The following KCNH5 variants were observed in gnomAD, a reference collection of about 807,000 sequenced individuals.
KCNH5 encodes voltage-gated delayed rectifier potassium channel KCNH5.
KCNH5 carries 46 observed loss-of-function variants against 96.1 expected under a neutral mutation model. The observed-to-expected ratio is 0.48, with a 90% CI of 0.38 to 0.61. The LOEUF (loss-of-function observed/expected upper bound fraction) is 0.61. Among genes scored for constraint, KCNH5 ranks in the 20% least tolerant of loss-of-function variants. KCNH5 has a pLI of 0.00. For missense variants in KCNH5, 907 were observed against 1,225.8 expected, an observed-to-expected ratio of 0.74 and a Z score of 3.88; for synonymous variants, 439 against 449.8, an observed-to-expected ratio of 0.98 and a Z score of 0.30.
At chr14:62,918,668 A>C (rs1889322171) in intron 7 of KCNH5, among the ~76,000 whole-genome samples, 1 of 152,138 alleles carries the variant, frequency 6.6e-6, no homozygotes, top group Non-Finnish European at 1.5e-5. Context: ...TAAAAACCAT[A>C]CAATAAATTC....
chr14:62,845,935 A>C (rs182169499), intron 8 of KCNH5, among the ~76,000 whole-genome samples: 1 of 152,254 alleles, frequency 6.6e-6, no homozygotes, highest in Admixed American at 6.5e-5. Context: ...TGGAATACAG[A>C]CAGAAAAGGG....
At chr14:62,907,240 G>C (rs919308302) in intron 7 of KCNH5, among the ~76,000 whole-genome samples, 1 of 152,184 alleles carries the variant, frequency 6.6e-6, no homozygotes, top group Non-Finnish European at 1.5e-5. Context: ...CTATGACAAA[G>C]ATCCTGTTTC....
At chr14:62,717,953 A>G (rs1884720338) in intron 10 of KCNH5, among the ~76,000 whole-genome samples, 2 of 152,212 alleles carry the variant, frequency 1.3e-5, no homozygotes, top group Admixed American at 1.3e-4. Flanking sequence ...AAATGAATGC[A>G]GTCATGTCCT....
At chr14:62,734,902 T>A (rs577415318) in intron 10 of KCNH5, among the ~76,000 whole-genome samples, 30 of 152,244 alleles carry the variant, frequency 2.0e-4, no homozygotes, top group African/African-American at 6.7e-4. Context: ...CATTTAGAAA[T>A]ATATACGTTG....
At chr14:63,036,439 C>T (rs1891722631) in intron 1 of KCNH5, among the ~76,000 whole-genome samples, 1 of 151,752 alleles carries the variant, frequency 6.6e-6, no homozygotes, top group Admixed American at 6.6e-5. Context: ...TCAAAGATGA[C>T]CCTAACACTT....
rs1313272834 is a variant in KCNH5 at position 62,700,474 on chromosome 14, C to G, written c.*7034G>C. 6.6e-6 allele frequency: 1 copy of G among 152,138 alleles called. No individual in the cohort carries two copies. The highest frequency in any genetic ancestry group is 1.5e-5 in the Non-Finnish European group (1 of 68,008). 9.4% of individuals were successfully genotyped at this position (152,138 alleles called of 1,614,324 possible). A position where few individuals can be genotyped will look rare whatever the true frequency, so the allele number is the denominator to read the frequency against. On this transcript the variant is annotated 3_prime_UTR_variant, in exon 11 of 11. Transcript: ENST00000322893. ...AGTGAACACTACACTTATTCCCTCT[C>G]TGATAAAGGGTCATAAGAATAGCAA... is the stretch of plus-strand genomic sequence containing the variant.
At chr14:62,786,221 T>C (rs1362224440) in intron 9 of KCNH5, among the ~76,000 whole-genome samples, 2 of 151,942 alleles carry the variant, frequency 1.3e-5, no homozygotes, top group African/African-American at 4.8e-5. Flanking sequence ...AAATAAAAAT[T>C]ACCACAGGTA....
chr14:62,782,068 C>T (rs1465160312), intron 9 of KCNH5, among the ~76,000 whole-genome samples: 1 of 152,200 alleles, frequency 6.6e-6, no homozygotes, highest in Non-Finnish European at 1.5e-5. Context: ...CAGCCGGTCC[C>T]TCCGTTTGGG....
chr14:62,981,711 C>T (rs373085445), intron 5 of KCNH5, among the ~76,000 whole-genome samples: 7 of 152,288 alleles, frequency 4.6e-5, no homozygotes, highest in Admixed American at 2.0e-4. Flanking sequence ...GTTGGTGATG[C>T]TGTTGTTGAG....
intron 8 of KCNH5, among the ~76,000 whole-genome samples, chr14:62,805,533 A>G (rs1008495303): frequency 2.0e-5 from 3 of 152,178 alleles, no homozygotes; most frequent in Non-Finnish European, 4.4e-5. Flanking sequence ...TCATCAAAAT[A>G]TAAGTATCTT....
intron 7 of KCNH5, among the ~76,000 whole-genome samples, chr14:62,859,229 C>A (rs1887987155): frequency 6.6e-6 from 1 of 152,110 alleles, no homozygotes; most frequent in African/African-American, 2.4e-5. Context: ...GTAATGGTGC[C>A]ATATCGAGGG....
intron 7 of KCNH5, among the ~76,000 whole-genome samples, chr14:62,850,894 A>G (rs1887790597): frequency 6.6e-6 from 1 of 152,192 alleles, no homozygotes; most frequent in Non-Finnish European, 1.5e-5. Context: ...ACAGGCAACG[A>G]TAATTTCCAT....
chr14:62,967,391 T>G (rs1489536131), intron 6 of KCNH5, among the ~76,000 whole-genome samples: 2 of 151,928 alleles, frequency 1.3e-5, no homozygotes, highest in Admixed American at 6.6e-5. Context: ...CCTTTTTTTC[T>G]AAACATAAGT....
intron 6 of KCNH5, among the ~76,000 whole-genome samples, chr14:62,966,787 T>C (rs1477299259): frequency 6.6e-6 from 1 of 152,198 alleles, no homozygotes; most frequent in Non-Finnish European, 1.5e-5. Flanking sequence ...CCTCCAATCC[T>C]GTGCTATTGT....
chr14:62,778,488 A>C (rs1332526728), intron 10 of KCNH5, among the ~76,000 whole-genome samples: 1 of 152,226 alleles, frequency 6.6e-6, no homozygotes, highest in Non-Finnish European at 1.5e-5. Context: ...AGACCAAAGG[A>C]GACATTCCTG....
At chr14:62,963,160 C>A (rs1255659544) in intron 6 of KCNH5, among the ~76,000 whole-genome samples, 1 of 152,096 alleles carries the variant, frequency 6.6e-6, no homozygotes, top group Admixed American at 6.6e-5. Flanking sequence ...AACACATTCA[C>A]ATAACTTTTA....
At chr14:62,961,795 G>A (rs1318129636) in intron 6 of KCNH5, among the ~76,000 whole-genome samples, 1 of 151,980 alleles carries the variant, frequency 6.6e-6, no homozygotes, top group Non-Finnish European at 1.5e-5. Flanking sequence ...TGGAGATGCA[G>A]ATGCAGATGG....
At chr14:62,965,045 A>G (rs916594137) in intron 6 of KCNH5, among the ~76,000 whole-genome samples, 1 of 152,156 alleles carries the variant, frequency 6.6e-6, no homozygotes, top group African/African-American at 2.4e-5. Context: ...CAGATTCCCC[A>G]ATACTTATAA....
chr14:62,789,397 G>C (rs1377464512), intron 9 of KCNH5, among the ~76,000 whole-genome samples: 6 of 151,996 alleles, frequency 3.9e-5, no homozygotes, highest in African/African-American at 1.4e-4. Flanking sequence ...ACATGGGGGT[G>C]CAGATATCTC....
Sources: allele counts gnomAD v4.1 joint callset (sites outside exome capture counted in the v4.1 genomes callset), GRCh38; gene constraint gnomAD v4.1.1; transcripts MANE v1.5; gene names NCBI Gene and HGNC (gene_info 2026-07-23, HGNC 2026-07-21).